The following SUDS3 variants were observed in gnomAD, a reference collection of about 807,000 sequenced individuals.
SUDS3 encodes SIN3A corepressor complex component SDS3.
In SUDS3, 23 loss-of-function variants were observed where a neutral mutation model predicts 53.5. The observed-to-expected ratio is 0.43, with a 90% CI of 0.31 to 0.61. The LOEUF is 0.61. Among genes scored for constraint, SUDS3 ranks in the 20% least tolerant of loss-of-function variants. The probability of loss-of-function intolerance (pLI) is 0.10; values close to 1 mark genes in which losing one functional copy is unlikely to be tolerated. For missense variants in SUDS3, 291 were observed against 405.9 expected, an observed-to-expected ratio of 0.72 and a Z score of 2.43; for synonymous variants, 150 against 148.5, an observed-to-expected ratio of 1.01 and a Z score of -0.08.
At position 118,412,437 on chromosome 12, in the gene SUDS3, G is replaced by A. The variant is rs572763342; in HGVS notation, c.888+1280G>A. Reference sequence around the variant, plus strand: ...TCCTGAATTGAAAATGCCCTGAAATGTGACTAGTTTGCAAAATGATTGTTT... The same window carrying A: ...TCCTGAATTGAAAATGCCCTGAAATATGACTAGTTTGCAAAATGATTGTTT... On this transcript the variant is annotated intron_variant, in intron 11 of 11. Coordinates refer to ENST00000543473, the MANE Select transcript of SUDS3 (RefSeq NM_022491.3). Among the ~76,000 whole-genome samples the A allele has an allele frequency of 2.4e-3, 371 of 152,272 alleles. 1 individual carries two copies. Among genetic ancestry groups the A allele is most frequent in the African/African-American group, 8.4e-3 (351 of 41,574 alleles).
chr12:118,394,648 C>T (rs1566202589), intron 6 of SUDS3, among the ~76,000 whole-genome samples: 1 of 152,096 alleles, frequency 6.6e-6, no homozygotes, highest in Non-Finnish European at 1.5e-5. Context: ...AGATGGAGGG[C>T]CCCTAAATAA....
chr12:118,402,010 T>A lies in SUDS3; in HGVS notation c.697+6T>A. 6.2e-7 allele frequency: 1 copy of A among 1,613,956 alleles called. No individual in the cohort carries two copies. The highest frequency in any genetic ancestry group is 8.5e-7 in the Non-Finnish European group (1 of 1,179,872). On this transcript the variant is annotated splice_donor_region_variant and intron_variant, in intron 9 of 11. Coordinates refer to ENST00000543473, the MANE Select transcript of SUDS3 (RefSeq NM_022491.3). ...TAAGTCACCCAAGAGACCAGGTGAGTGCATGATGTGTTGGCATTTGTGCAA... is the reference window on the plus strand; with the variant it reads ...TAAGTCACCCAAGAGACCAGGTGAGAGCATGATGTGTTGGCATTTGTGCAA...
At chr12:118,403,059 A>G (rs1408114464) in intron 9 of SUDS3, among the ~76,000 whole-genome samples, 1 of 152,178 alleles carries the variant, frequency 6.6e-6, no homozygotes, top group African/African-American at 2.4e-5. Flanking sequence ...CACCCTGCTG[A>G]AAACGATTGC....
chr12:118,383,635 A>C (rs75423350), intron 2 of SUDS3, among the ~76,000 whole-genome samples: 1 of 152,246 alleles, frequency 6.6e-6, no homozygotes, highest in East Asian at 1.9e-4. Context: ...GTAACTTACA[A>C]TCTAATTGTA....
chr12:118,415,594 T>TG lies in SUDS3; in HGVS notation c.*1165dup, dbSNP rs1460644576. ...AAATGATTCATTGGGTGATGAGTGT[T>TG]GGGGTTTTCTATACTCATGTTGCCA... On this transcript the variant is annotated 3_prime_UTR_variant, in exon 12 of 12. Coordinates refer to ENST00000543473, the MANE Select transcript of SUDS3 (RefSeq NM_022491.3). The TG allele has an allele frequency of 6.6e-6, 1 of 152,140 alleles. No homozygotes were observed. The highest frequency in any genetic ancestry group is 2.4e-5 in the African/African-American group (1 of 41,420). 9.4% of individuals were successfully genotyped at this position (152,140 alleles called of 1,614,324 possible). A position where few individuals can be genotyped will look rare whatever the true frequency, so the allele number is the denominator to read the frequency against.
chr12:118,402,470 C>T (rs145577637), intron 9 of SUDS3: 8 of 166,176 alleles, frequency 4.8e-5, no homozygotes, highest in African/African-American at 1.9e-4. Flanking sequence ...GCTCAGTATT[C>T]ATAGTTGTTC....
chr12:118,378,953 G>A (rs922774437), intron 1 of SUDS3, among the ~76,000 whole-genome samples: 1 of 148,642 alleles, frequency 6.7e-6, no homozygotes. Flanking sequence ...GGGATTACAG[G>A]CGTGAGCCAC....
rs766902385 is a variant in SUDS3 at position 118,391,209 on chromosome 12, G to T, written c.444G>T (p.Glu148Asp). The stretch of plus-strand genomic sequence containing the variant: ...AAGACAAGAAGGTTGAGCTGAAAGA[G>T]AACCTGATTGCTGAGCTAGAAGAAA... ...EFEDKKVELK[E>D]NLIAELEEKK... The change falls in exon 6 of 12, where the codon GAG (glutamate) becomes GAT (aspartate). Residue 148 changes from glutamate to aspartate, a missense_variant. By Grantham distance (45) the Glu-to-Asp change is conservative (BLOSUM62 2). Around this residue, in one of 4 missense-constraint regions of SUDS3, gnomAD observed 55 missense variants for 124.2 expected, o/e 0.44. Coordinates refer to ENST00000543473, the MANE Select transcript of SUDS3 (RefSeq NM_022491.3). 6 of 1,613,658 alleles carry T rather than the reference G, an allele frequency of 3.7e-6. No individual in the cohort carries two copies. The South Asian group carries it at 6.6e-5, about 18-fold the overall frequency.
chr12:118,376,769 G>T lies in SUDS3; in HGVS notation c.78G>T (p.Glu26Asp). 1 of 1,552,806 alleles carries T rather than the reference G, an allele frequency of 6.4e-7. No homozygotes were observed. The change falls in exon 1 of 12, where the codon GAG (glutamate) becomes GAT (aspartate). Residue 26 changes from glutamate (E) to aspartate (D), a missense_variant. Physicochemically the swap from Glu to Asp is conservative, Grantham distance 45. Around this residue, in one of 4 missense-constraint regions of SUDS3, gnomAD observed 149 missense variants for 146.5 expected, o/e 1.02. Coordinates refer to ENST00000543473, the MANE Select transcript of SUDS3 (RefSeq NM_022491.3). ...CGGCCCCCGAGTACTACCCCGAGGA[G>T]GATGAAGAGCTGGAGAGCGCCGAGG... ...APPAPEYYPE[E>D]DEELESAEDD...
At chr12:118,403,350 T>C (rs2046280651) in intron 9 of SUDS3, 62 bp from the exon 10 acceptor site, 2 of 1,275,710 alleles carry the variant, frequency 1.6e-6, no homozygotes, top group Admixed American at 3.8e-5. Context: ...TAAAGCATGT[T>C]AACTGGTAGA....
At chr12:118,381,119 AG>A (rs1488288285) in intron 2 of SUDS3, among the ~76,000 whole-genome samples, 25 of 152,350 alleles carry the variant, frequency 1.6e-4, no homozygotes, top group African/African-American at 5.5e-4. Flanking sequence ...GTGCTAGACA[AG>A]GTGCCGGAGG....
Position 118,378,122 on chromosome 12 carries a change from TC to T in SUDS3, c.142+1291del, listed in dbSNP as rs201052807. Among the ~76,000 whole-genome samples the T allele has an allele frequency of 8.1e-3, 1,241 of 152,332 alleles. 21 individuals are homozygous for T. Among genetic ancestry groups the T allele is most frequent in the African/African-American group, 0.028 (1,158 of 41,558 alleles). On this transcript the variant is annotated intron_variant, in intron 1 of 11. Transcript: ENST00000543473. ...AGCCAAAATTGAGTTTTTTTTTCCT[TC>T]CAGTATAGGGGCTATTAAAATTTTG...
chr12:118,389,695 T>C (rs1269039990), intron 4 of SUDS3, among the ~76,000 whole-genome samples: 1 of 152,178 alleles, frequency 6.6e-6, no homozygotes, highest in Non-Finnish European at 1.5e-5. Context: ...TTTATATTTT[T>C]AGTAGAGATG....
At chr12:118,400,805 A>C in intron 7 of SUDS3, 51 bp downstream of exon 7, 1 of 1,545,224 alleles carries the variant, frequency 6.5e-7, no homozygotes. Context: ...AGACTGTGGA[A>C]TCCTATGTTT....
chr12:118,389,104 A>T (rs1050595714), intron 4 of SUDS3, among the ~76,000 whole-genome samples: 40 of 152,020 alleles, frequency 2.6e-4, no homozygotes, highest in Non-Finnish European at 4.4e-4. Context: ...AGTCGAGATC[A>T]TGCCACTGCA....
At chr12:118,408,346 T>C (rs1347334265) in intron 10 of SUDS3, among the ~76,000 whole-genome samples, 1 of 151,326 alleles carries the variant, frequency 6.6e-6, no homozygotes, top group Non-Finnish European at 1.5e-5. Context: ...TTTTTTTTTT[T>C]TTTTTGAGAC....
At chr12:118,401,529 G>A (rs1293846218) in intron 7 of SUDS3, among the ~76,000 whole-genome samples, 1 of 152,302 alleles carries the variant, frequency 6.6e-6, no homozygotes, top group African/African-American at 2.4e-5. Flanking sequence ...GCCTAATGAA[G>A]CTCATTCCAC....
At position 118,391,401 on chromosome 12, in the gene SUDS3, C is replaced by T. The variant is rs897367516; in HGVS notation, c.517+119C>T. Reference sequence around the variant, plus strand: ...GAGCAAGGTGGAGAGTGGGTTTTGACCTCATAGATCAGAGTTCCTCCTCCA... The same window carrying T: ...GAGCAAGGTGGAGAGTGGGTTTTGATCTCATAGATCAGAGTTCCTCCTCCA... On this transcript the variant is annotated intron_variant, in intron 6 of 11. Transcript: ENST00000543473. The T allele has an allele frequency of 5.9e-6, 7 of 1,177,366 alleles. No homozygotes were observed. The African/African-American group carries it at 9.2e-5, about 16-fold the overall frequency. The allele number at this position is 1,177,366 out of a possible 1,614,324, so 72.9% of individuals were successfully genotyped here.
At chr12:118,395,216 GT>G (rs71772462) in intron 6 of SUDS3, among the ~76,000 whole-genome samples, 23,441 of 79,578 alleles carry the variant, frequency 0.29, 3,285 homozygotes, top group East Asian at 0.39. Context: ...TGGAATCAGG[GT>G]TTTTTTTTTT....
Sources: allele counts gnomAD v4.1 joint callset (sites outside exome capture counted in the v4.1 genomes callset), GRCh38; gene constraint gnomAD v4.1.1; regional missense constraint gnomAD v4.1.1; transcripts MANE v1.5; gene names NCBI Gene and HGNC (gene_info 2026-07-23, HGNC 2026-07-21).